Variants in MAPRE2 observed in about 807,000 individuals in gnomAD.
MAPRE2 encodes the protein microtubule associated protein RP/EB family member 2.
MAPRE2 carries 13 observed loss-of-function variants against 43.2 expected under a neutral mutation model. The ratio of observed to expected loss-of-function variants is 0.30; its 90% confidence interval spans 0.20 to 0.48. The LOEUF (loss-of-function observed/expected upper bound fraction) is 0.48, where lower values mean the gene tolerates loss of function less well. Among genes scored for constraint, MAPRE2 ranks in the 20% least tolerant of loss-of-function variants. The pLI, the probability that MAPRE2 is intolerant of heterozygous loss-of-function variation, is 0.99. For synonymous variants in MAPRE2, 135 were observed against 148.8 expected (o/e 0.91, Z 0.68); for missense variants, 161 against 400.2 (o/e 0.40, Z 5.10).
intron 1 of MAPRE2, among the ~76,000 whole-genome samples, chr18:34,983,841 G>A (rs499432): frequency 0.015 from 2,341 of 152,158 alleles, 39 homozygotes; most frequent in African/African-American, 0.038. Flanking sequence ...TGTTGGCCAG[G>A]TTGGTCTCAA....
At chr18:35,044,920 C>G (rs1905544939) in intron 1 of MAPRE2, among the ~76,000 whole-genome samples, 1 of 152,178 alleles carries the variant, frequency 6.6e-6, no homozygotes, top group African/African-American at 2.4e-5. Flanking sequence ...GTAAACAAAG[C>G]CCATTTTCAC....
At chr18:35,031,637 T>C (rs189758925) in intron 2 of MAPRE2, among the ~76,000 whole-genome samples, 4 of 152,344 alleles carry the variant, frequency 2.6e-5, no homozygotes, top group Admixed American at 6.5e-5. Context: ...AAAAGCAGAT[T>C]AGAAATAAAT....
chr18:35,063,951 T>C (rs1350561695), intron 1 of MAPRE2, among the ~76,000 whole-genome samples: 1 of 133,222 alleles, frequency 7.5e-6, no homozygotes. Flanking sequence ...TGAGCTATGA[T>C]GGCACCACTG....
chr18:35,041,290 T>A (rs901190472), upstream of MAPRE2: 3 of 1,386,756 alleles, frequency 2.2e-6, no homozygotes, highest in Non-Finnish European at 2.8e-6. Context: ...TGAGGCGAGG[T>A]GATGAGTTAG....
chr18:35,059,726 T>C (rs1280114086), intron 1 of MAPRE2, among the ~76,000 whole-genome samples: 2 of 152,086 alleles, frequency 1.3e-5, no homozygotes, highest in African/African-American at 4.8e-5. Flanking sequence ...GAGTTGACAT[T>C]TGAGCCAAAC....
intron 2 of MAPRE2, among the ~76,000 whole-genome samples, chr18:35,089,325 A>G (rs917325385): frequency 6.6e-6 from 1 of 152,258 alleles, no homozygotes; most frequent in Non-Finnish European, 1.5e-5. Context: ...ATTGAAATAT[A>G]AAACATTTTT....
intron 4 of MAPRE2, 149 bp downstream of exon 4, chr18:35,102,308 A>G: frequency 1.7e-6 from 1 of 580,520 alleles, no homozygotes; most frequent in Non-Finnish European, 2.9e-6. Flanking sequence ...CTGTTTCACC[A>G]CATTTATCTT....
chr18:35,041,480 C>T lies in MAPRE2; in HGVS notation c.-60C>T. The T allele has an allele frequency of 1.4e-5, 22 of 1,612,580 alleles. 1 individual carries two copies. In the South Asian group the frequency reaches 2.3e-4, roughly 17 times the overall value. ...GAGCAGGCGAGCGAGCGGGAAGACG[C>T]AGCCACCTTCCTCACCAGCCAGCCC... On this transcript the variant is annotated 5_prime_UTR_variant, in exon 1 of 7. Transcript: ENST00000300249.
At chr18:34,999,122 C>T (rs905138936) in intron 1 of MAPRE2, among the ~76,000 whole-genome samples, 5 of 152,104 alleles carry the variant, frequency 3.3e-5, no homozygotes, top group Admixed American at 6.5e-5. Flanking sequence ...TACTTTGACA[C>T]GTAACATGCA....
At chr18:35,124,068 G>A (rs1303857197) in intron 4 of MAPRE2, among the ~76,000 whole-genome samples, 1 of 152,150 alleles carries the variant, frequency 6.6e-6, no homozygotes, top group Non-Finnish European at 1.5e-5. Flanking sequence ...AGCCTGACTT[G>A]CATGGTGTAT....
At chr18:35,138,458 T>C (rs536050490) in intron 6 of MAPRE2, among the ~76,000 whole-genome samples, 5 of 152,082 alleles carry the variant, frequency 3.3e-5, no homozygotes, top group Non-Finnish European at 5.9e-5. Context: ...GCCAGATTTT[T>C]CCCCAAGTTT....
chr18:35,035,806 G>C (rs113073621), intron 2 of MAPRE2, among the ~76,000 whole-genome samples: 1 of 143,608 alleles, frequency 7.0e-6, no homozygotes. Context: ...CTTTTTGCAG[G>C]TTTCTCTTTT....
intron 5 of MAPRE2, among the ~76,000 whole-genome samples, chr18:35,128,430 C>G (rs1895711430): frequency 1.3e-5 from 2 of 152,188 alleles, no homozygotes; most frequent in Admixed American, 1.3e-4. Flanking sequence ...GTTACCACAT[C>G]TGCACATTCA....
At position 34,986,146 on chromosome 18, in the gene MAPRE2, G is replaced by A. The variant is rs533713151; in HGVS notation, c.-70+9067G>A. ...AGAAATGAGTAGATTCCTTTGTTTT[G>A]CTGAAGTACCTGAAACTATTTACTG... On this transcript the variant is annotated intron_variant, in intron 1 of 7. Coordinates refer to the MAPRE2 transcript ENST00000413393. Among the ~76,000 whole-genome samples the A allele has an allele frequency of 2.1e-4, 32 of 152,140 alleles. No individual in the cohort carries two copies. The Middle Eastern group carries it at 0.017, about 81-fold the overall frequency.
At chr18:35,054,361 G>C (rs1323604398) in intron 1 of MAPRE2, among the ~76,000 whole-genome samples, 1 of 152,200 alleles carries the variant, frequency 6.6e-6, no homozygotes, top group Non-Finnish European at 1.5e-5. Context: ...AAAATGCAAA[G>C]TTTAAGTTCA....
chr18:35,017,676 A>T (rs185044313), intron 2 of MAPRE2, among the ~76,000 whole-genome samples: 21 of 151,576 alleles, frequency 1.4e-4, no homozygotes, highest in African/African-American at 5.1e-4. Context: ...CATTAATTTT[A>T]TATTCTGAAA....
At chr18:35,048,013 T>C (rs565043541) in intron 1 of MAPRE2, among the ~76,000 whole-genome samples, 9 of 152,238 alleles carry the variant, frequency 5.9e-5, no homozygotes, top group African/African-American at 2.2e-4. Context: ...AGCAATGACT[T>C]TGGAACAGAA....
At chr18:34,988,984 T>C (rs2097022410) in intron 1 of MAPRE2, 1 of 152,180 alleles carries the variant, frequency 6.6e-6, no homozygotes, top group Non-Finnish European at 1.5e-5. Context: ...TCTTATCCAA[T>C]CATACAACCC....
At chr18:35,123,064 G>A (rs1014102401) in intron 4 of MAPRE2, among the ~76,000 whole-genome samples, 6 of 152,226 alleles carry the variant, frequency 3.9e-5, no homozygotes, top group East Asian at 3.9e-4. Flanking sequence ...TCCAGCGGCC[G>A]GGGATTCTCC....
Sources: allele counts gnomAD v4.1 joint callset (sites outside exome capture counted in the v4.1 genomes callset), GRCh38; gene constraint gnomAD v4.1.1; transcripts MANE v1.5; gene names NCBI Gene and HGNC (gene_info 2026-07-23, HGNC 2026-07-21).